TOX: variants seen among roughly 807,000 people sequenced by gnomAD.
TOX encodes the protein thymocyte selection-associated high mobility group box protein TOX.
In TOX, 11 loss-of-function variants were observed where a neutral mutation model predicts 53.7. That is an observed-to-expected ratio of 0.20 (90% confidence interval 0.13 to 0.34). The LOEUF (loss-of-function observed/expected upper bound fraction) is 0.34, where lower values mean the gene tolerates loss of function less well. Ranked by LOEUF, TOX falls within the 10% of genes least tolerant of loss-of-function variation. The pLI is 1.00. For missense variants in TOX, 570 were observed against 664.6 expected, an observed-to-expected ratio of 0.86 and a Z score of 1.56; for synonymous variants, 225 against 245.3, an observed-to-expected ratio of 0.92 and a Z score of 0.77.
In TOX at chr8:58,807,273, T is replaced by C. The variant is rs1178524869; in HGVS notation, c.*474A>G. On this transcript the variant is annotated 3_prime_UTR_variant, in exon 9 of 9. Coordinates refer to ENST00000361421, the MANE Select transcript of TOX (RefSeq NM_014729.3). ...TAAACTGGAATGAGCCAGTTTCAAT[T>C]ACAATTTAGCTACAAAAACATTCAC... 2 of 153,048 alleles carry C rather than the reference T, an allele frequency of 1.3e-5. No individual in the cohort carries two copies. Among genetic ancestry groups the C allele is most frequent in the Non-Finnish European group, 2.9e-5 (2 of 68,228 alleles). 9.5% of individuals were successfully genotyped at this position (153,048 alleles called of 1,614,324 possible).
At chr8:58,912,537 C>T (rs1275066411) in intron 3 of TOX, among the ~76,000 whole-genome samples, 1 of 152,220 alleles carries the variant, frequency 6.6e-6, no homozygotes. Context: ...AGCTCTCAAA[C>T]CTGAGTATGT....
At chr8:59,016,909 G>A (rs1224691971) in intron 1 of TOX, among the ~76,000 whole-genome samples, 2 of 152,160 alleles carry the variant, frequency 1.3e-5, no homozygotes, top group Non-Finnish European at 1.5e-5. Context: ...TAGAGTGTGC[G>A]CCTAGCAGAG....
intron 1 of TOX, among the ~76,000 whole-genome samples, chr8:59,095,896 G>C (rs1804704591): frequency 1.3e-5 from 2 of 152,078 alleles, no homozygotes; most frequent in South Asian, 4.2e-4. Context: ...AGAGGTATTT[G>C]AATCAGTCAT....
At position 58,952,219 on chromosome 8, in the gene TOX, C is replaced by T. The variant is rs115954793; in HGVS notation, c.168+7724G>A. ...TTTTTTATAGTAAAAATGGGCAAAA[C>T]TGCTTCTACTTAACATAATGACATA... On this transcript the variant is annotated intron_variant, in intron 2 of 8. Coordinates refer to ENST00000361421, the MANE Select transcript of TOX (RefSeq NM_014729.3). Among the ~76,000 whole-genome samples, 721 of 152,248 alleles carry T rather than the reference C, an allele frequency of 4.7e-3. 2 individuals are homozygous for T. Among genetic ancestry groups the T allele is most frequent in the African/African-American group, 0.017 (697 of 41,550 alleles).
intron 1 of TOX, among the ~76,000 whole-genome samples, chr8:58,999,127 C>T (rs1163719490): frequency 6.6e-6 from 1 of 152,118 alleles, no homozygotes; most frequent in Admixed American, 6.6e-5. Flanking sequence ...TAGTTTTTCG[C>T]ACTTCTTCTT....
chr8:59,068,056 C>T (rs566444472), intron 1 of TOX, among the ~76,000 whole-genome samples: 2 of 152,156 alleles, frequency 1.3e-5, no homozygotes, highest in East Asian at 1.9e-4. Context: ...TGTGTATAAC[C>T]ATGCCTGTCA....
In TOX at chr8:58,960,123, T is replaced by C. The variant is rs949977695; in HGVS notation, c.103-115A>G. ...ACTGGAAAACAGTAGCCATAAAAAA[T>C]ACTGCGGCTGGGACTATGGAAAATC... On this transcript the variant is annotated intron_variant, in intron 1 of 8. Coordinates refer to ENST00000361421, the MANE Select transcript of TOX (RefSeq NM_014729.3). 1.2e-5 allele frequency: 13 copies of C among 1,121,068 alleles called. 1 individual carries two copies. In the Middle Eastern group the frequency reaches 9.8e-4, roughly 85 times the overall value. 69.4% of individuals were successfully genotyped at this position (1,121,068 alleles called of 1,614,324 possible).
chr8:58,892,568 G>A (rs1180345064), intron 3 of TOX, among the ~76,000 whole-genome samples: 2 of 152,200 alleles, frequency 1.3e-5, no homozygotes, highest in East Asian at 3.8e-4. Flanking sequence ...TCCCTCAAAA[G>A]TGTCAGATGG....
chr8:58,936,035 C>T (rs561565964), intron 3 of TOX, among the ~76,000 whole-genome samples: 1 of 152,282 alleles, frequency 6.6e-6, no homozygotes, highest in African/African-American at 2.4e-5. Context: ...CCTCTTACCG[C>T]TGCTATCTAC....
At chr8:59,040,824 G>C (rs1042320274) in intron 1 of TOX, among the ~76,000 whole-genome samples, 1 of 152,138 alleles carries the variant, frequency 6.6e-6, no homozygotes, top group Non-Finnish European at 1.5e-5. Context: ...GGATGGCCCC[G>C]CCTCTCTGAC....
intron 3 of TOX, among the ~76,000 whole-genome samples, chr8:58,888,678 A>G (rs1356815066): frequency 6.6e-6 from 1 of 151,954 alleles, no homozygotes; most frequent in Admixed American, 6.6e-5. Context: ...AAAAATCACA[A>G]CAGCAGAATA....
At chr8:59,065,447 G>T (rs1206813256) in intron 1 of TOX, among the ~76,000 whole-genome samples, 1 of 152,130 alleles carries the variant, frequency 6.6e-6, no homozygotes, top group African/African-American at 2.4e-5. Flanking sequence ...TGTTATTAAT[G>T]TTTTTTAAGA....
intron 1 of TOX, among the ~76,000 whole-genome samples, chr8:59,068,101 T>G (rs2129422395): frequency 6.6e-6 from 1 of 152,364 alleles, no homozygotes; most frequent in Non-Finnish European, 1.5e-5. Context: ...ATTATTATTA[T>G]GCTTATCATG....
chr8:58,864,538 A>AT (rs1563373580), intron 3 of TOX, among the ~76,000 whole-genome samples: 1 of 152,218 alleles, frequency 6.6e-6, no homozygotes, highest in Non-Finnish European at 1.5e-5. Context: ...ATTTATGGGT[A>AT]CAGCAACAGT....
At chr8:58,863,515 A>G (rs1245975762) in intron 3 of TOX, among the ~76,000 whole-genome samples, 2 of 152,174 alleles carry the variant, frequency 1.3e-5, no homozygotes, top group African/African-American at 4.8e-5. Flanking sequence ...CCAGTTATTC[A>G]GTAAGTGGGT....
Position 58,915,120 on chromosome 8 carries a change from G to A in TOX, c.411+24182C>T, listed in dbSNP as rs555695545. Among the ~76,000 whole-genome samples, 3 of 151,318 alleles carry A rather than the reference G, an allele frequency of 2.0e-5. No homozygotes were observed. In the South Asian group the frequency reaches 6.3e-4, roughly 32 times the overall value. ...CAAACTGCAAGGCGGCAACGAGGCT[G>A]GGGGAGGGGCGCCCACCATTGCCCA... On this transcript the variant is annotated intron_variant, in intron 3 of 8. Transcript: ENST00000361421.
chr8:58,902,709 GTTTC>G (rs1040525640), intron 3 of TOX, among the ~76,000 whole-genome samples: 1 of 152,080 alleles, frequency 6.6e-6, no homozygotes, highest in Non-Finnish European at 1.5e-5. Context: ...TTAAATTCAT[GTTTC>G]TTTCAAAAGC....
Position 58,919,121 on chromosome 8 carries a change from C to G in TOX, c.411+20181G>C, listed in dbSNP as rs1233360724. ...GGAAGAATCAATATTGTGAAAATGG[C>G]CATGCTGCCCAAGGTAATTTACAGA... On this transcript the variant is annotated intron_variant, in intron 3 of 8. Coordinates refer to ENST00000361421, the MANE Select transcript of TOX (RefSeq NM_014729.3). Among the ~76,000 whole-genome samples, 7 of 151,514 alleles carry G rather than the reference C, an allele frequency of 4.6e-5. No homozygotes were observed. In the East Asian group the frequency reaches 1.4e-3, roughly 29 times the overall value.
chr8:59,061,226 G>A (rs945060395), intron 1 of TOX, among the ~76,000 whole-genome samples: 2 of 152,224 alleles, frequency 1.3e-5, no homozygotes, highest in Non-Finnish European at 2.9e-5. Context: ...ATAAAATCAT[G>A]TTATTAAATG....
Sources: gnomAD v4.1 joint callset for allele counts (sites outside exome capture counted in the v4.1 genomes callset) on GRCh38, gnomAD v4.1.1 for gene constraint, MANE v1.5 for transcripts, NCBI Gene and HGNC (gene_info 2026-07-23, HGNC 2026-07-21) for gene names.